COL18A1: variants seen among roughly 807,000 people sequenced by gnomAD.
COL18A1 encodes the protein collagen alpha-1(XVIII) chain.
COL18A1 carries 133 observed loss-of-function variants against 168.0 expected under a neutral mutation model. That is an observed-to-expected ratio of 0.79 (90% confidence interval 0.69 to 0.91). The LOEUF (loss-of-function observed/expected upper bound fraction) is 0.91. COL18A1 is among the 40% of genes least tolerant of loss of function. COL18A1 has a pLI of 0.00. For missense variants in COL18A1, 2,126 were observed against 1,925.4 expected, an observed-to-expected ratio of 1.10 and a Z score of -1.95; for synonymous variants, 949 against 809.0, an observed-to-expected ratio of 1.17 and a Z score of -2.94.
At chr21:45,426,873 G>A (rs114680451) in intron 2 of COL18A1, among the ~76,000 whole-genome samples, 3,318 of 152,298 alleles carry the variant, frequency 0.022, 118 homozygotes, top group African/African-American at 0.075. Flanking sequence ...GATGCTCCCC[G>A]CGGTGGAAGG....
chr21:45,475,682 G>A (rs1602479678), intron 5 of COL18A1, 147 bp downstream of exon 5: 1 of 759,644 alleles, frequency 1.3e-6, no homozygotes, highest in South Asian at 1.7e-5. Context: ...GGACAGGGAT[G>A]CTGGGCTGGG....
At chr21:45,500,673 A>G (rs1602579025) in intron 32 of COL18A1, among the ~76,000 whole-genome samples, 1 of 39,462 alleles carries the variant, frequency 2.5e-5, no homozygotes, top group Non-Finnish European at 5.1e-5. Flanking sequence ...TTGGGTGTGT[A>G]GTGTGGGGGT....
intron 22 of COL18A1, among the ~76,000 whole-genome samples, chr21:45,492,176 C>T (rs2036375503): frequency 6.6e-6 from 1 of 152,196 alleles, no homozygotes; most frequent in South Asian, 2.1e-4. Flanking sequence ...CAGGGGCAGC[C>T]CGAGAGGCCA....
chr21:45,509,808 T>C (rs868555263), intron 39 of COL18A1, among the ~76,000 whole-genome samples: 1 of 148,112 alleles, frequency 6.8e-6, no homozygotes. Flanking sequence ...GTCCAGCCGC[T>C]GTCACATCCT....
chr21:45,507,675 A>C lies in COL18A1; in HGVS notation c.3249+82A>C, dbSNP rs2037303989. 3 of 1,360,652 alleles carry C rather than the reference A, an allele frequency of 2.2e-6. No individual in the cohort carries two copies. The African/African-American group carries it at 4.3e-5, about 19-fold the overall frequency. 84.3% of individuals were successfully genotyped at this position (1,360,652 alleles called of 1,614,324 possible). On this transcript the variant is annotated intron_variant, in intron 38 of 41. Coordinates refer to ENST00000651438, the MANE Select transcript of COL18A1 (RefSeq NM_001379500.1). Reference sequence around the variant, plus strand: ...TGCTGTCCCCTGTTTGAGGAACAACACGTGGTCCTTTGGAGTCCTGGAGCT... The same window carrying C: ...TGCTGTCCCCTGTTTGAGGAACAACCCGTGGTCCTTTGGAGTCCTGGAGCT...
chr21:45,421,559 A>G (rs764479231), intron 2 of COL18A1: 1 of 533,710 alleles, frequency 1.9e-6, no homozygotes, highest in Non-Finnish European at 3.8e-6. Flanking sequence ...AGATTGGAAA[A>G]CCTCGGCCTT....
chr21:45,406,567 C>A (rs976027525), intron 2 of COL18A1, among the ~76,000 whole-genome samples: 2 of 152,150 alleles, frequency 1.3e-5, no homozygotes, highest in Non-Finnish European at 2.9e-5. Flanking sequence ...GGGCGGAGAG[C>A]GGCTGTGAGC....
At chr21:45,487,379 C>T in intron 16 of COL18A1, 68 bp from the exon 17 acceptor site, 4 of 1,570,970 alleles carry the variant, frequency 2.5e-6, no homozygotes, top group Non-Finnish European at 3.5e-6. Context: ...CGGGCAGTGC[C>T]ACCCCAGGGA....
intron 29 of COL18A1, chr21:45,496,084 C>T: frequency 7.8e-6 from 2 of 254,892 alleles, no homozygotes; most frequent in South Asian, 2.9e-5. Context: ...GCCCTCCATG[C>T]CCTCTATGCC....
At chr21:45,490,945 C>T in intron 21 of COL18A1, 74 bp downstream of exon 21, 2 of 1,393,856 alleles carry the variant, frequency 1.4e-6, no homozygotes, top group South Asian at 1.2e-5. Flanking sequence ...CTCAGCTGCC[C>T]CAGGTCCGTG....
chr21:45,436,944 G>C (rs554922255), intron 2 of COL18A1, among the ~76,000 whole-genome samples: 3 of 151,742 alleles, frequency 2.0e-5, no homozygotes, highest in Admixed American at 1.3e-4. Context: ...GGCTGCGCGG[G>C]GCCCTGGCTG....
At chr21:45,481,302 G>A (rs2145940014) in intron 13 of COL18A1, among the ~76,000 whole-genome samples, 1 of 152,306 alleles carries the variant, frequency 6.6e-6, no homozygotes, top group East Asian at 1.9e-4. Flanking sequence ...ATGACGGGCA[G>A]CAGGTCATGA....
chr21:45,478,285 G>A, intron 8 of COL18A1, 42 bp from the exon 9 acceptor site: 1 of 1,613,880 alleles, frequency 6.2e-7, no homozygotes, highest in Non-Finnish European at 8.5e-7. Flanking sequence ...TGGCGCCGGA[G>A]GAGTCATTTC....
intron 2 of COL18A1, among the ~76,000 whole-genome samples, chr21:45,452,911 ATG>A (rs910906389): frequency 1.3e-4 from 20 of 151,282 alleles, no homozygotes; most frequent in East Asian, 5.9e-4. Context: ...ATGTATGTAC[ATG>A]TGTGTGAGTA....
intron 2 of COL18A1, among the ~76,000 whole-genome samples, chr21:45,439,872 T>A (rs2034321496): frequency 1.3e-5 from 2 of 152,198 alleles, no homozygotes; most frequent in Admixed American, 1.3e-4. Context: ...TCTCCGGCTG[T>A]GAATGTAGCA....
At chr21:45,504,592 C>T (rs892905800) in intron 34 of COL18A1, 36 bp downstream of exon 34, 94 of 1,548,050 alleles carry the variant, frequency 6.1e-5, no homozygotes, top group Non-Finnish European at 8.0e-5. Context: ...GCCCATGTCC[C>T]AGGGGTCTGG....
In COL18A1 at chr21:45,511,163, C is replaced by T. The variant is rs774649540; in HGVS notation, c.3746C>T (p.Pro1249Leu). The change falls in exon 41 of 42, where the codon CCG becomes CTG. Residue 1249 changes from proline (P) to leucine (L), a missense_variant. Pro to Leu is a moderately conservative substitution (Grantham distance 98). Coordinates refer to ENST00000651438, the MANE Select transcript of COL18A1 (RefSeq NM_001379500.1). ...WEALFSGSEG[P>L]LKPGARIFSF... is the part of the protein sequence containing the mutation. ...GCTCTGTTCTCAGGCTCTGAGGGTC[C>T]GCTGAAGCCCGGGGCACGCATCTTC... 52 of 1,601,102 alleles carry T rather than the reference C, an allele frequency of 3.2e-5. No individual in the cohort carries two copies. The highest frequency in any genetic ancestry group is 2.0e-4 in the East Asian group (9 of 44,246).
At chr21:45,445,242 C>T (rs914970329) in intron 2 of COL18A1, among the ~76,000 whole-genome samples, 4 of 152,222 alleles carry the variant, frequency 2.6e-5, no homozygotes, top group East Asian at 3.8e-4. Flanking sequence ...TTCTTCCCCT[C>T]GGCCTGTGGT....
At chr21:45,407,971 C>T (rs1181991099) in intron 2 of COL18A1, 4 of 152,264 alleles carry the variant, frequency 2.6e-5, no homozygotes, top group African/African-American at 9.6e-5. Flanking sequence ...AACGAGAGAC[C>T]CTCCCGCGTA....
Sources: allele counts gnomAD v4.1 joint callset (sites outside exome capture counted in the v4.1 genomes callset), GRCh38; gene constraint gnomAD v4.1.1; transcripts MANE v1.5; gene names NCBI Gene and HGNC (gene_info 2026-07-23, HGNC 2026-07-21).